FAM135B: variants seen among roughly 807,000 people sequenced by gnomAD.
FAM135B encodes family with sequence similarity 135 member B, also known as protein FAM135B.
FAM135B carries 43 observed loss-of-function variants against 127.7 expected under a neutral mutation model. That is an observed-to-expected ratio of 0.34 (90% CI 0.26 to 0.43). FAM135B has a LOEUF of 0.43. Ranked by LOEUF, FAM135B falls within the 20% of genes least tolerant of loss-of-function variation. The pLI is 1.00. For synonymous variants in FAM135B, 670 were observed against 665.1 expected, an observed-to-expected ratio of 1.01 and a Z score of -0.11; for missense variants, 1,558 against 1,725.6, an observed-to-expected ratio of 0.90 and a Z score of 1.72.
chr8:138,242,604 A>G lies in FAM135B; in HGVS notation c.669+338T>C, dbSNP rs892084265. 6.6e-6 allele frequency among the ~76,000 whole-genome samples: 1 copy of G among 152,132 alleles called. No individual in the cohort carries two copies. Among genetic ancestry groups the G allele is most frequent in the African/African-American group, 2.4e-5 (1 of 41,428 alleles). ...AATGAAAGCGGGAGCCAGGTTTTGA[A>G]ACCAGACATGGCCTTCAACGTTATC... On this transcript the variant is annotated intron_variant, in intron 7 of 19. Transcript: ENST00000395297. The surrounding 1 kb of genome is among the most constrained non-coding windows in gnomAD (Gnocchi z 9.6).
At chr8:138,229,285 G>A (rs1819726838) in intron 7 of FAM135B, among the ~76,000 whole-genome samples, 1 of 152,130 alleles carries the variant, frequency 6.6e-6, no homozygotes, top group Admixed American at 6.6e-5. Context: ...ATCTCCAAGT[G>A]TGTCTGGGCG....
chr8:138,143,960 G>A (rs568349712), intron 15 of FAM135B, among the ~76,000 whole-genome samples: 31 of 152,270 alleles, frequency 2.0e-4, no homozygotes, highest in Admixed American at 9.8e-4. Context: ...GCTTTGAGGC[G>A]CGAGAGAATA....
intron 7 of FAM135B, among the ~76,000 whole-genome samples, chr8:138,239,701 T>C (rs1027588557): frequency 1.3e-5 from 2 of 152,176 alleles, no homozygotes; most frequent in African/African-American, 2.4e-5. Context: ...CATGCACATG[T>C]ATGTTCACTG....
At chr8:138,254,481 G>A (rs1440698185) in intron 5 of FAM135B, among the ~76,000 whole-genome samples, 3 of 152,200 alleles carry the variant, frequency 2.0e-5, no homozygotes, top group South Asian at 2.1e-4. Context: ...GTGATAGGGC[G>A]GGGTGGGTTA....
At chr8:138,199,099 G>A (rs1290143831) in intron 7 of FAM135B, among the ~76,000 whole-genome samples, 1 of 152,156 alleles carries the variant, frequency 6.6e-6, no homozygotes, top group Non-Finnish European at 1.5e-5. Context: ...CTTTCTCCTA[G>A]CTGCCATCCA....
intron 2 of FAM135B, among the ~76,000 whole-genome samples, chr8:138,364,961 C>G (rs748017274): frequency 3.9e-5 from 6 of 152,076 alleles, no homozygotes; most frequent in Non-Finnish European, 8.8e-5. Flanking sequence ...GTTCTCCTGC[C>G]TAGGCCTCCC....
intron 3 of FAM135B, among the ~76,000 whole-genome samples, chr8:138,285,807 G>T (rs1824640369): frequency 6.6e-6 from 1 of 152,218 alleles, no homozygotes; most frequent in South Asian, 2.1e-4. Context: ...CAGAATGTTT[G>T]CTCAGGTGAA....
chr8:138,144,539 T>C (rs17654611), intron 15 of FAM135B, among the ~76,000 whole-genome samples: 2,014 of 152,280 alleles, frequency 0.013, 15 homozygotes, highest in Non-Finnish European at 0.023. Context: ...CAAGTGGCTA[T>C]AATTATGAGG....
At chr8:138,157,471 A>G (rs1818875437) in intron 12 of FAM135B, among the ~76,000 whole-genome samples, 1 of 152,226 alleles carries the variant, frequency 6.6e-6, no homozygotes, top group South Asian at 2.1e-4. Context: ...AGAAATAAAT[A>G]AAGGGTATTC....
intron 12 of FAM135B, among the ~76,000 whole-genome samples, chr8:138,165,320 A>G (rs1192777429): frequency 3.3e-5 from 5 of 151,876 alleles, no homozygotes; most frequent in African/African-American, 1.2e-4. Context: ...GGGTGTCTTC[A>G]TGTTAGTCAG....
intron 1 of FAM135B, among the ~76,000 whole-genome samples, chr8:138,456,143 T>G (rs1836765733): frequency 6.6e-6 from 1 of 152,170 alleles, no homozygotes; most frequent in African/African-American, 2.4e-5. Flanking sequence ...ATTCAACAGG[T>G]CTCCCCTGTT....
rs1294087303 is a variant in FAM135B, at chr8:138,496,797, G to T, written c.-146C>A. Reference sequence around the variant, plus strand: ...GCGGCGGCGGCGGGCGGACTGGGGAGTCCGCAGCACCTGCGAGCTGGTGTT... The same window carrying T: ...GCGGCGGCGGCGGGCGGACTGGGGATTCCGCAGCACCTGCGAGCTGGTGTT... On this transcript the variant is annotated 5_prime_UTR_variant, in exon 1 of 20. Coordinates refer to ENST00000395297, the MANE Select transcript of FAM135B (RefSeq NM_015912.4). The T allele has an allele frequency of 6.5e-6, 1 of 153,344 alleles. No individual in the cohort carries two copies. Among genetic ancestry groups the T allele is most frequent in the East Asian group, 1.9e-4 (1 of 5,180 alleles). 9.5% of individuals were successfully genotyped at this position (153,344 alleles called of 1,614,324 possible). A position where few individuals can be genotyped will look rare whatever the true frequency, so the allele number is the denominator to read the frequency against.
At chr8:138,146,412 A>C (rs527808341) in intron 14 of FAM135B, among the ~76,000 whole-genome samples, 1 of 152,288 alleles carries the variant, frequency 6.6e-6, no homozygotes, top group East Asian at 1.9e-4. Context: ...CTGATGGGGC[A>C]CAATGCGACT....
chr8:138,473,896 T>C (rs1814230447), intron 1 of FAM135B, among the ~76,000 whole-genome samples: 1 of 152,144 alleles, frequency 6.6e-6, no homozygotes, highest in South Asian at 2.1e-4. Flanking sequence ...GTCCAAGCAT[T>C]GTATAAGTGT....
At chr8:138,482,161 C>T (rs1002052968) in intron 1 of FAM135B, among the ~76,000 whole-genome samples, 3 of 152,158 alleles carry the variant, frequency 2.0e-5, no homozygotes, top group Non-Finnish European at 4.4e-5. Context: ...TCAGCAGAGG[C>T]GGCATGAGTG....
intron 10 of FAM135B, 59 bp from the exon 11 acceptor site, chr8:138,177,479 CTT>C: frequency 7.2e-7 from 1 of 1,393,748 alleles, no homozygotes; most frequent in Non-Finnish European, 9.8e-7. Context: ...CCTGCACTTT[CTT>C]TTTTTTTAAT....
At chr8:138,382,328 G>A (rs1042164183) in intron 1 of FAM135B, among the ~76,000 whole-genome samples, 1 of 152,168 alleles carries the variant, frequency 6.6e-6, no homozygotes, top group Admixed American at 6.5e-5. Context: ...CCTGTGCTCT[G>A]CTTAATGCCA....
Position 138,339,748 on chromosome 8 carries a change from T to C in FAM135B, c.77+28159A>G, listed in dbSNP as rs191207775. Reference sequence around the variant, plus strand: ...TTAAACACAATTCCTCCTTGCTTCTTGTTACAGGAAAGCCTCCCTCACTCA... The same window carrying C: ...TTAAACACAATTCCTCCTTGCTTCTCGTTACAGGAAAGCCTCCCTCACTCA... On this transcript the variant is annotated intron_variant, in intron 2 of 19. Coordinates refer to ENST00000395297, the MANE Select transcript of FAM135B (RefSeq NM_015912.4). Among the ~76,000 whole-genome samples the C allele has an allele frequency of 1.3e-3, 194 of 152,260 alleles. 1 individual carries two copies. Among genetic ancestry groups the C allele is most frequent in the African/African-American group, 4.4e-3 (181 of 41,552 alleles).
chr8:138,286,989 G>T (rs1419526132), intron 3 of FAM135B, among the ~76,000 whole-genome samples: 2 of 152,216 alleles, frequency 1.3e-5, no homozygotes, highest in African/African-American at 4.8e-5. Flanking sequence ...CAGTTGGGAA[G>T]AATATTTACA....
Sources: allele counts gnomAD v4.1 joint callset (sites outside exome capture counted in the v4.1 genomes callset), GRCh38; gene constraint gnomAD v4.1.1; non-coding constraint Gnocchi (gnomAD v3.1); transcripts MANE v1.5; gene names NCBI Gene and HGNC (gene_info 2026-07-23, HGNC 2026-07-21).